Variants in SNTG1 observed in about 807,000 individuals in gnomAD.
SNTG1 encodes syntrophin gamma 1.
A neutral mutation model predicts 74.7 loss-of-function variants in SNTG1; 39 were observed. That is an observed-to-expected ratio of 0.52 (90% CI 0.40 to 0.68). The LOEUF is 0.68. SNTG1 is among the 30% of genes least tolerant of loss of function. The pLI is 0.00. For synonymous variants in SNTG1, 254 were observed against 217.1 expected (o/e 1.17, Z -1.49); for missense variants, 685 against 609.5 (o/e 1.12, Z -1.30).
At chr8:50,126,544 C>T (rs1263256134) in intron 1 of SNTG1, among the ~76,000 whole-genome samples, 2 of 151,772 alleles carry the variant, frequency 1.3e-5, no homozygotes, top group African/African-American at 4.8e-5. Flanking sequence ...TAGAGATTTA[C>T]AATCACCAAC....
intron 8 of SNTG1, among the ~76,000 whole-genome samples, chr8:50,500,070 GCTT>G (rs368449411): frequency 6.6e-5 from 10 of 152,036 alleles, no homozygotes; most frequent in African/African-American, 2.4e-4. Context: ...GGTTTGTTAA[GCTT>G]CTTAAATCTG....
rs866596635 is a variant in SNTG1, at chr8:49,924,975, C to G, written c.-103+12744C>G. ...GATCAGCCTGGACAACAAAGTGAGA[C>G]CCCCCCATCACTACAAAAAGTAAAG... On this transcript the variant is annotated intron_variant, in intron 1 of 18. Coordinates refer to ENST00000642720, the MANE Select transcript of SNTG1 (RefSeq NM_018967.5). Among the ~76,000 whole-genome samples, 130 of 151,514 alleles carry G rather than the reference C, an allele frequency of 8.6e-4. 1 individual carries two copies. The highest frequency in any genetic ancestry group is 3.1e-3 in the African/African-American group (126 of 41,288).
intron 1 of SNTG1, among the ~76,000 whole-genome samples, chr8:49,923,906 T>C (rs1806788572): frequency 6.6e-6 from 1 of 152,208 alleles, no homozygotes; most frequent in African/African-American, 2.4e-5. Flanking sequence ...AAGTATGTTA[T>C]AAAGTGAATT....
At chr8:50,450,176 T>G (rs1206472167) in intron 6 of SNTG1, among the ~76,000 whole-genome samples, 2 of 152,216 alleles carry the variant, frequency 1.3e-5, no homozygotes, top group Non-Finnish European at 2.9e-5. Context: ...AGTAAAACAA[T>G]GTAATGTTTA....
intron 1 of SNTG1, among the ~76,000 whole-genome samples, chr8:49,945,283 T>C (rs1022534816): frequency 1.3e-5 from 2 of 152,214 alleles, no homozygotes; most frequent in African/African-American, 4.8e-5. Context: ...TTAGAATCTA[T>C]GGCTACAGGA....
chr8:50,204,601 G>T (rs2084125903), intron 2 of SNTG1, among the ~76,000 whole-genome samples: 1 of 151,934 alleles, frequency 6.6e-6, no homozygotes, highest in South Asian at 2.1e-4. Context: ...TCAAGTTCTA[G>T]GGTACATGTG....
intron 5 of SNTG1, 28 bp downstream of exon 5, chr8:50,438,627 C>T: frequency 6.3e-7 from 1 of 1,581,248 alleles, no homozygotes. Context: ...TCTATCCTTA[C>T]AAAGGCCATG....
At chr8:50,004,824 A>G (rs1422106824) in intron 1 of SNTG1, among the ~76,000 whole-genome samples, 2 of 152,168 alleles carry the variant, frequency 1.3e-5, no homozygotes, top group African/African-American at 4.8e-5. Flanking sequence ...TTAGAACTAA[A>G]AGGGCAACCA....
chr8:50,406,468 T>C (rs965575173), intron 4 of SNTG1, among the ~76,000 whole-genome samples: 2 of 152,192 alleles, frequency 1.3e-5, no homozygotes, highest in Non-Finnish European at 2.9e-5. Flanking sequence ...TATAAGATTA[T>C]GTCATCTGTG....
At position 50,219,239 on chromosome 8, in the gene SNTG1, A is replaced by G. The variant is rs16914534; in HGVS notation, c.-28+46604A>G. On this transcript the variant is annotated intron_variant, in intron 2 of 18. Coordinates refer to ENST00000642720, the MANE Select transcript of SNTG1 (RefSeq NM_018967.5). Reference sequence around the variant, plus strand: ...TAATGCCAAAAGACCTAAGCCCAGCATTAACTTTAAGAAGCTCCCACTGGT... The same window carrying G: ...TAATGCCAAAAGACCTAAGCCCAGCGTTAACTTTAAGAAGCTCCCACTGGT... Among the ~76,000 whole-genome samples the G allele has an allele frequency of 8.1e-3, 1,229 of 152,322 alleles. 19 individuals are homozygous for G. The highest frequency in any genetic ancestry group is 0.028 in the African/African-American group (1,180 of 41,566).
chr8:50,632,915 G>A (rs2095012077), intron 13 of SNTG1, among the ~76,000 whole-genome samples: 2 of 152,140 alleles, frequency 1.3e-5, no homozygotes, highest in Non-Finnish European at 2.9e-5. Context: ...TCTTCTACCA[G>A]TACCTATAAA....
intron 1 of SNTG1, among the ~76,000 whole-genome samples, chr8:50,137,737 G>A (rs542126154): frequency 2.0e-5 from 3 of 152,248 alleles, no homozygotes; most frequent in East Asian, 1.9e-4. Flanking sequence ...TCCAGGAGAC[G>A]TCCAGGCAGG....
At chr8:50,265,309 A>C (rs1217150330) in intron 2 of SNTG1, among the ~76,000 whole-genome samples, 2 of 152,126 alleles carry the variant, frequency 1.3e-5, no homozygotes, top group African/African-American at 4.8e-5. Flanking sequence ...CTAGAATAAA[A>C]AGTTGGTTTA....
At chr8:50,223,762 T>C (rs1277560360) in intron 2 of SNTG1, among the ~76,000 whole-genome samples, 5 of 152,144 alleles carry the variant, frequency 3.3e-5, no homozygotes, top group African/African-American at 1.2e-4. Flanking sequence ...ATTTATTGAA[T>C]AGAGAAGAAT....
intron 1 of SNTG1, among the ~76,000 whole-genome samples, chr8:50,113,325 A>C (rs770767042): frequency 2.1e-4 from 32 of 152,198 alleles, no homozygotes; most frequent in East Asian, 1.9e-4. Flanking sequence ...CATCCCTTGT[A>C]AGTTGGATTC....
At chr8:50,574,524 A>G (rs1199843912) in intron 12 of SNTG1, among the ~76,000 whole-genome samples, 1 of 152,134 alleles carries the variant, frequency 6.6e-6, no homozygotes, top group Non-Finnish European at 1.5e-5. Flanking sequence ...TTATGAGTAT[A>G]TATTACATAT....
chr8:50,337,092 G>A (rs1347327822), intron 2 of SNTG1, among the ~76,000 whole-genome samples: 1 of 152,174 alleles, frequency 6.6e-6, no homozygotes, highest in African/African-American at 2.4e-5. Context: ...TTAGAAAAAT[G>A]AGGAATCAGG....
At chr8:50,598,811 C>T (rs1193490497) in intron 13 of SNTG1, among the ~76,000 whole-genome samples, 1 of 151,734 alleles carries the variant, frequency 6.6e-6, no homozygotes, top group Non-Finnish European at 1.5e-5. Flanking sequence ...TAAGTTTATT[C>T]TTAAGTATTT....
chr8:50,602,097 G>A (rs572634538), intron 13 of SNTG1, among the ~76,000 whole-genome samples: 3 of 151,892 alleles, frequency 2.0e-5, no homozygotes, highest in East Asian at 1.9e-4. Context: ...TTGATTGAGA[G>A]GTTAGTCTAT....
Sources: gnomAD v4.1 joint callset for allele counts (sites outside exome capture counted in the v4.1 genomes callset) on GRCh38, gnomAD v4.1.1 for gene constraint, MANE v1.5 for transcripts, NCBI Gene and HGNC (gene_info 2026-07-23, HGNC 2026-07-21) for gene names.